Variants in AUH observed in about 807,000 individuals in gnomAD.
The protein encoded by AUH is methylglutaconyl-CoA hydratase, mitochondrial.
AUH carries 29 observed loss-of-function variants against 42.3 expected under a neutral mutation model. The ratio of observed to expected loss-of-function variants is 0.69; its 90% confidence interval spans 0.51 to 0.93. The LOEUF (loss-of-function observed/expected upper bound fraction) is 0.93, where lower values mean the gene tolerates loss of function less well. Among genes scored for constraint, AUH ranks in the 40% least tolerant of loss-of-function variants. The pLI is 0.00. For missense variants in AUH, 452 were observed against 438.1 expected (o/e 1.03, Z -0.28); for synonymous variants, 174 against 166.4 (o/e 1.05, Z -0.35).
chr9:91,287,055 T>A (rs1421334123), intron 6 of AUH, among the ~76,000 whole-genome samples: 1 of 151,880 alleles, frequency 6.6e-6, no homozygotes, highest in Non-Finnish European at 1.5e-5. Flanking sequence ...TACATAGAAT[T>A]TTTACTTGTC....
rs114417040 is a variant in AUH at position 91,292,360 on chromosome 9, T to C, written c.655+3661A>G. 4.5e-3 allele frequency among the ~76,000 whole-genome samples: 668 copies of C among 150,026 alleles called. 5 individuals are homozygous for C. Among genetic ancestry groups the C allele is most frequent in the African/African-American group, 0.016 (641 of 40,816 alleles). On this transcript the variant is annotated intron_variant, in intron 6 of 9. Coordinates refer to ENST00000375731, the MANE Select transcript of AUH (RefSeq NM_001698.3). ...GTGGTGTGATCTCGGCTCACTGCAA[T>C]TTCCACCATCTGGGTTCAAGCAATT... is the stretch of plus-strand genomic sequence containing the variant.
chr9:91,228,464 C>G (rs1206554511), intron 6 of AUH, among the ~76,000 whole-genome samples: 2 of 148,206 alleles, frequency 1.3e-5, no homozygotes, highest in African/African-American at 2.5e-5. Flanking sequence ...ATTAGTCTTG[C>G]TAGCGGTCTA....
At chr9:91,337,338 A>G (rs975167057) in intron 3 of AUH, among the ~76,000 whole-genome samples, 6 of 152,104 alleles carry the variant, frequency 3.9e-5, no homozygotes, top group African/African-American at 1.4e-4. Context: ...ATCCTCTCCA[A>G]CTTACCTCCT....
intron 3 of AUH, among the ~76,000 whole-genome samples, chr9:91,332,697 G>C (rs1452122390): frequency 1.3e-5 from 2 of 152,140 alleles, no homozygotes; most frequent in African/African-American, 4.8e-5. Flanking sequence ...AAGGGAAGTG[G>C]AATTTATGAT....
At chr9:91,336,077 C>T (rs1481174658) in intron 3 of AUH, among the ~76,000 whole-genome samples, 1 of 152,098 alleles carries the variant, frequency 6.6e-6, no homozygotes. Flanking sequence ...ATCTTTATTT[C>T]ATATTTAGGT....
chr9:91,245,825 T>C (rs1011528282), intron 6 of AUH, among the ~76,000 whole-genome samples: 6 of 152,134 alleles, frequency 3.9e-5, no homozygotes, highest in African/African-American at 1.4e-4. Flanking sequence ...TCTCCTCCCC[T>C]GTGTTCTAGA....
chr9:91,321,341 CTT>C (rs888284510), intron 4 of AUH, among the ~76,000 whole-genome samples: 3 of 152,014 alleles, frequency 2.0e-5, no homozygotes, highest in African/African-American at 4.8e-5. Flanking sequence ...TATTTTTTCT[CTT>C]TACATTTTTT....
intron 5 of AUH, among the ~76,000 whole-genome samples, chr9:91,297,387 G>C (rs1283309043): frequency 1.3e-5 from 2 of 152,172 alleles, no homozygotes; most frequent in Non-Finnish European, 2.9e-5. Flanking sequence ...AAGATCCTCA[G>C]AAAACCATTC....
In AUH at chr9:91,214,297, C is replaced by A. The variant is rs1302689110; in HGVS notation, c.*51G>T. ...AGGCATATAGTGGATCCGAAAGACA[C>A]TTCCAGGAAGTACATTTATTACATT... On this transcript the variant is annotated 3_prime_UTR_variant, in exon 10 of 10. Coordinates refer to ENST00000375731, the MANE Select transcript of AUH (RefSeq NM_001698.3). The A allele has an allele frequency of 1.3e-6, 2 of 1,495,354 alleles. No individual in the cohort carries two copies. Among genetic ancestry groups the A allele is most frequent in the Non-Finnish European group, 1.8e-6 (2 of 1,085,238 alleles). The allele number at this position is 1,495,354 out of a possible 1,614,324, so 92.6% of individuals were successfully genotyped here.
In AUH at chr9:91,214,153, C is replaced by A. The variant is rs1469525016; in HGVS notation, c.*195G>T. On this transcript the variant is annotated 3_prime_UTR_variant, in exon 10 of 10. Transcript: ENST00000375731. ...ACTATACACTACTAGCTTTATAAAT[C>A]TGAATGAATATGACATTTACACATT... 1.8e-6 allele frequency: 1 copy of A among 570,730 alleles called. No homozygotes were observed. Among genetic ancestry groups the A allele is most frequent in the Non-Finnish European group, 3.2e-6 (1 of 316,628 alleles). 35.4% of individuals were successfully genotyped at this position (570,730 alleles called of 1,614,324 possible).
intron 6 of AUH, among the ~76,000 whole-genome samples, chr9:91,258,070 G>A (rs568086376): frequency 3.3e-5 from 5 of 152,096 alleles, no homozygotes; most frequent in Non-Finnish European, 4.4e-5. Context: ...CTAGTACATA[G>A]AACCACAATT....
chr9:91,251,030 G>A (rs547893946), intron 6 of AUH, among the ~76,000 whole-genome samples: 2 of 152,294 alleles, frequency 1.3e-5, no homozygotes, highest in South Asian at 4.1e-4. Context: ...CACCACACAC[G>A]GCTGCAGCAG....
At chr9:91,256,894 T>G (rs1829430774) in intron 6 of AUH, among the ~76,000 whole-genome samples, 1 of 152,040 alleles carries the variant, frequency 6.6e-6, no homozygotes, top group Admixed American at 6.6e-5. Context: ...GGCAAAGACA[T>G]GAGTTACGAT....
At chr9:91,233,006 T>C (rs544114565) in intron 6 of AUH, among the ~76,000 whole-genome samples, 4 of 152,344 alleles carry the variant, frequency 2.6e-5, no homozygotes, top group African/African-American at 9.6e-5. Flanking sequence ...ATTTCACAGA[T>C]GACAACCCAT....
At chr9:91,325,595 C>T (rs1279555992) in intron 3 of AUH, among the ~76,000 whole-genome samples, 191 bp from the exon 4 acceptor site, 1 of 152,176 alleles carries the variant, frequency 6.6e-6, no homozygotes, top group Non-Finnish European at 1.5e-5. Flanking sequence ...TCTATTCATA[C>T]GTCTACCATG....
rs78024989 is a variant in AUH at position 91,259,873 on chromosome 9, C to T, written c.655+36148G>A. On this transcript the variant is annotated intron_variant, in intron 6 of 9. Coordinates refer to ENST00000375731, the MANE Select transcript of AUH (RefSeq NM_001698.3). ...ATAAATATTCCACGTGCATTTTGAA[C>T]GTGAATTCTGTTCTTCTGTTGAGTT... Among the ~76,000 whole-genome samples the T allele has an allele frequency of 5.9e-3, 897 of 152,128 alleles. 4 individuals are homozygous for T. The highest frequency in any genetic ancestry group is 0.02 in the African/African-American group (839 of 41,524).
chr9:91,318,687 A>G (rs1030039067), intron 4 of AUH, among the ~76,000 whole-genome samples: 1 of 152,218 alleles, frequency 6.6e-6, no homozygotes, highest in African/African-American at 2.4e-5. Context: ...GTTGGGCCCA[A>G]GATGGTGCTG....
rs1359439341 is a variant in AUH at position 91,230,508 on chromosome 9, C to A, written c.656-9516G>T. Among the ~76,000 whole-genome samples, 4 of 152,114 alleles carry A rather than the reference C, an allele frequency of 2.6e-5. 1 individual carries two copies. The highest frequency in any genetic ancestry group is 2.0e-4 in the Admixed American group (3 of 15,276). On this transcript the variant is annotated intron_variant, in intron 6 of 9. Transcript: ENST00000375731. ...TTTGCCTTTGGTTTGAATGTCCTCC[C>A]ATAGCTCAGAGTAATCTGATCGTCT... is the stretch of plus-strand genomic sequence containing the variant.
At chr9:91,233,600 C>T (rs537688674) in intron 6 of AUH, among the ~76,000 whole-genome samples, 9 of 152,178 alleles carry the variant, frequency 5.9e-5, no homozygotes, top group South Asian at 4.2e-4. Context: ...AACAGGAATG[C>T]GTATGCCATA....
Sources: gnomAD v4.1 joint callset for allele counts (sites outside exome capture counted in the v4.1 genomes callset) on GRCh38, gnomAD v4.1.1 for gene constraint, MANE v1.5 for transcripts, NCBI Gene and HGNC (gene_info 2026-07-23, HGNC 2026-07-21) for gene names.